RAD21: variants seen among roughly 807,000 people sequenced by gnomAD.
The protein encoded by RAD21 is RAD21 cohesin complex component.
A neutral mutation model predicts 71.5 loss-of-function variants in RAD21; 18 were observed. The observed-to-expected ratio is 0.25, with a 90% CI of 0.17 to 0.37. RAD21 has a LOEUF of 0.37. Among genes scored for constraint, RAD21 ranks in the 10% least tolerant of loss-of-function variants. RAD21 has a pLI of 1.00. For missense variants in RAD21, 493 were observed against 769.1 expected (o/e 0.64, Z 4.25); for synonymous variants, 248 against 254.0 (o/e 0.98, Z 0.22).
intron 4 of RAD21, among the ~76,000 whole-genome samples, chr8:116,861,572 G>T (rs2289937): frequency 6.6e-6 from 1 of 151,430 alleles, no homozygotes; most frequent in Non-Finnish European, 1.5e-5. Flanking sequence ...TATAACAAGC[G>T]TATCTGTTTC....
At position 116,856,024 on chromosome 8, in the gene RAD21, G is replaced by C. The variant is rs3020111; in HGVS notation, c.937+142C>G. 0.045 allele frequency: 38,231 copies of C among 856,718 alleles called. 2,335 individuals are homozygous for C. The highest frequency in any genetic ancestry group is 0.22 in the African/African-American group (12,245 of 55,868). The allele number at this position is 856,718 out of a possible 1,614,324, so 53.1% of individuals were successfully genotyped here. ...CTAGTTAACTAAAGCAACAGTAGCA[G>C]ATCAGTAGACAGGCCAAAAAAACAG... is the stretch of plus-strand genomic sequence containing the variant. On this transcript the variant is annotated intron_variant, in intron 8 of 13. Transcript: ENST00000297338.
chr8:116,855,591 CTTACTATAT>C (rs1320695693), intron 8 of RAD21, among the ~76,000 whole-genome samples: 1 of 152,072 alleles, frequency 6.6e-6, no homozygotes, highest in Non-Finnish European at 1.5e-5. Context: ...AGAGACAGGT[CTTACTATAT>C]TTACTGCCCA....
Position 116,847,562 on chromosome 8 carries a change from T to A in RAD21, c.1834A>T (p.Thr612Ser). Residue 612 changes from threonine (T) to serine (S), a missense_variant, in exon 14 of 14, where the codon ACA (threonine) becomes TCA (serine). Transcript: ENST00000297338. ...ATGTCACTGTACGGTTCTTCCTGTG[T>A]CAGCTCAATAGCTTGCTGCTTTTTA... ...VLKKQQAIEL[T>S]QEEPYSDIIA... 1 of 1,614,114 alleles carries A rather than the reference T, an allele frequency of 6.2e-7. No individual in the cohort carries two copies. The highest frequency in any genetic ancestry group is 8.5e-7 in the Non-Finnish European group (1 of 1,179,966).
At chr8:116,865,442 A>AG (rs1214277679) in intron 2 of RAD21, among the ~76,000 whole-genome samples, 1 of 151,928 alleles carries the variant, frequency 6.6e-6, no homozygotes, top group East Asian at 1.9e-4. Context: ...CCTATAAAAA[A>AG]AATTGAAAAT....
intron 1 of RAD21, among the ~76,000 whole-genome samples, chr8:116,869,417 T>C (rs1253346136): frequency 6.6e-6 from 1 of 152,130 alleles, no homozygotes. Context: ...AAACCCTGTC[T>C]CTACTAAAAA....
intron 2 of RAD21, among the ~76,000 whole-genome samples, chr8:116,865,402 G>T (rs966984720): frequency 5.3e-5 from 8 of 151,252 alleles, no homozygotes; most frequent in African/African-American, 1.9e-4. Context: ...CGATTTCTAC[G>T]TTTTCCATTA....
chr8:116,847,874 A>T (rs576859121), intron 13 of RAD21, among the ~76,000 whole-genome samples, 183 bp from the exon 14 acceptor site: 1 of 152,136 alleles, frequency 6.6e-6, no homozygotes, highest in Admixed American at 6.5e-5. Flanking sequence ...GTGGTGGTGG[A>T]TCCCTTATCA....
chr8:116,868,558 T>C (rs1159568663), intron 1 of RAD21, among the ~76,000 whole-genome samples: 2 of 152,038 alleles, frequency 1.3e-5, no homozygotes, highest in Non-Finnish European at 2.9e-5. Context: ...GTTTAGTTTT[T>C]AAAGAATCTT....
intron 2 of RAD21, 96 bp downstream of exon 2, chr8:116,866,490 C>G (rs1812697173): frequency 8.5e-7 from 1 of 1,174,586 alleles, no homozygotes; most frequent in South Asian, 1.8e-5. Context: ...TCCTTGCACT[C>G]CAATGCCCCT....
chr8:116,872,853 C>G (rs1234992346), intron 1 of RAD21, among the ~76,000 whole-genome samples: 1 of 152,072 alleles, frequency 6.6e-6, no homozygotes, highest in African/African-American at 2.4e-5. Context: ...GAAATCTCCT[C>G]TGTTTTGGTT....
chr8:116,872,004 C>T (rs1563695681), intron 1 of RAD21, among the ~76,000 whole-genome samples: 1 of 152,136 alleles, frequency 6.6e-6, no homozygotes, highest in Non-Finnish European at 1.5e-5. Flanking sequence ...TATAGTCGGT[C>T]CTCCTTATCC....
Position 116,874,753 on chromosome 8 carries a change from C to G in RAD21, c.-175G>C, listed in dbSNP as rs1257846175. The G allele has an allele frequency of 6.6e-6, 3 of 455,800 alleles. No individual in the cohort carries two copies. Among genetic ancestry groups the G allele is most frequent in the Admixed American group, 2.4e-5 (1 of 42,442 alleles). The allele number at this position is 455,800 out of a possible 1,614,324, so 28.2% of individuals were successfully genotyped here. A position where few individuals can be genotyped will look rare whatever the true frequency, so the allele number is the denominator to read the frequency against. Reference sequence around the variant, plus strand: ...CGCCGCCACAGCCGGCGCCTCCTTTCCGATTCACTCAAACAAACAAGATGG... The same window carrying G: ...CGCCGCCACAGCCGGCGCCTCCTTTGCGATTCACTCAAACAAACAAGATGG... On this transcript the variant is annotated 5_prime_UTR_variant, in exon 1 of 14. Transcript: ENST00000297338.
chr8:116,854,006 A>T (rs541820488), intron 9 of RAD21, among the ~76,000 whole-genome samples: 33 of 152,186 alleles, frequency 2.2e-4, no homozygotes, highest in African/African-American at 7.5e-4. Flanking sequence ...ATTATTAAAC[A>T]CGTCAGTGGC....
At position 116,852,659 on chromosome 8, in the gene RAD21, C is replaced by T. The variant is rs1357605618; in HGVS notation, c.1211G>A (p.Arg404Lys). ...TPLVPEDLRKRRKGGEADNLD... is the reference protein window; with the variant it reads ...TPLVPEDLRKKRKGGEADNLD... ...ATTATCTGCCTCTCCTCCTTTCCTC[C>T]TTTTTCTAAGGTCTTCTGGTACAAG... The change falls in exon 10 of 14, where the codon AGG (arginine) becomes AAG (lysine). Residue 404 changes from arginine to lysine, a missense_variant. Transcript: ENST00000297338. The T allele has an allele frequency of 3.1e-6, 5 of 1,612,756 alleles. No homozygotes were observed. In the East Asian group the frequency reaches 1.1e-4, roughly 36 times the overall value.
At chr8:116,871,587 T>C (rs1387325002) in intron 1 of RAD21, among the ~76,000 whole-genome samples, 1 of 152,188 alleles carries the variant, frequency 6.6e-6, no homozygotes, top group Non-Finnish European at 1.5e-5. Context: ...TGAAGGACAA[T>C]ATGACAACAT....
At chr8:116,857,868 G>C (rs999899259) in intron 5 of RAD21, among the ~76,000 whole-genome samples, 1 of 152,176 alleles carries the variant, frequency 6.6e-6, no homozygotes, top group East Asian at 1.9e-4. Context: ...CCAGCTACTT[G>C]AGGCTGAAGT....
Position 116,847,651 on chromosome 8 carries a change from A to G in RAD21, c.1745T>C (p.Leu582Pro). 6.2e-7 allele frequency: 1 copy of G among 1,614,060 alleles called. No individual in the cohort carries two copies. Among genetic ancestry groups the G allele is most frequent in the Non-Finnish European group, 8.5e-7 (1 of 1,179,960 alleles). ...AKTGAESISL[L>P]ELCRNTNRKQ... ...TCTGTTCGTATTTCGACATAACTCAAGCAAACTGATAGATTCAGCTCCAGT... is the reference window on the plus strand; with the variant it reads ...TCTGTTCGTATTTCGACATAACTCAGGCAAACTGATAGATTCAGCTCCAGT... The change falls in exon 14 of 14, where the codon CTT (leucine) becomes CCT (proline). Residue 582 changes from leucine to proline, a missense_variant. By Grantham distance (98) the Leu-to-Pro change is moderately conservative. Transcript: ENST00000297338.
At chr8:116,859,177 G>C (rs1812533389) in intron 4 of RAD21, among the ~76,000 whole-genome samples, 1 of 150,848 alleles carries the variant, frequency 6.6e-6, no homozygotes. Context: ...GGCATACCTT[G>C]TTTTACTGCA....
intron 1 of RAD21, among the ~76,000 whole-genome samples, chr8:116,869,771 AAGACAC>A (rs890873493): frequency 1.3e-5 from 2 of 151,818 alleles, no homozygotes; most frequent in African/African-American, 4.9e-5. Flanking sequence ...CAAATGCTGA[AAGACAC>A]AGAGAAGCTG....
Sources: allele counts gnomAD v4.1 joint callset (sites outside exome capture counted in the v4.1 genomes callset), GRCh38; gene constraint gnomAD v4.1.1; transcripts MANE v1.5; gene names NCBI Gene and HGNC (gene_info 2026-07-23, HGNC 2026-07-21).